Variants in CACHD1 observed in about 807,000 individuals in gnomAD.
The protein encoded by CACHD1 is VWFA and cache domain-containing protein 1.
CACHD1 carries 71 observed loss-of-function variants against 138.7 expected under a neutral mutation model. The ratio of observed to expected loss-of-function variants is 0.51; its 90% CI spans 0.42 to 0.62. CACHD1 has a LOEUF of 0.62. Ranked by LOEUF, CACHD1 falls within the 20% of genes least tolerant of loss-of-function variation. CACHD1 has a pLI of 0.00. For synonymous variants in CACHD1, 578 were observed against 591.5 expected, an observed-to-expected ratio of 0.98 and a Z score of 0.33; for missense variants, 1,389 against 1,625.3, an observed-to-expected ratio of 0.85 and a Z score of 2.50.
chr1:64,566,490 C>CCCCCCT (rs1557496485), intron 2 of CACHD1, among the ~76,000 whole-genome samples: 2 of 143,336 alleles, frequency 1.4e-5, no homozygotes, highest in Non-Finnish European at 1.6e-5. Context: ...CCCCCCCCCC[C>CCCCCCT]ACAAGGTATG....
rs114074178 is a variant in CACHD1, at chr1:64,508,697, A to C, written c.198+37755A>C. ...AAGTTGTTCTCTCACTAAGCCTGAG[A>C]GTGAGAGGGCTAAGTAAGATAGAGA... is the stretch of plus-strand genomic sequence containing the variant. On this transcript the variant is annotated intron_variant, in intron 1 of 26. Transcript: ENST00000651257. Among the ~76,000 whole-genome samples, 161 of 152,250 alleles carry C rather than the reference A, an allele frequency of 1.1e-3. 1 individual carries two copies. The highest frequency in any genetic ancestry group is 3.8e-3 in the African/African-American group (159 of 41,544).
chr1:64,496,930 G>A (rs1422091065), intron 1 of CACHD1, among the ~76,000 whole-genome samples: 2 of 151,244 alleles, frequency 1.3e-5, no homozygotes, highest in Non-Finnish European at 2.9e-5. Context: ...CTGTCCTTAA[G>A]GTTTCCATGG....
intron 2 of CACHD1, among the ~76,000 whole-genome samples, chr1:64,560,438 T>C (rs2100481335): frequency 6.6e-6 from 1 of 152,222 alleles, no homozygotes; most frequent in Admixed American, 6.5e-5. Context: ...TTCTGATTTC[T>C]CTTGTGATTT....
intron 2 of CACHD1, among the ~76,000 whole-genome samples, chr1:64,556,278 A>G (rs1222226157): frequency 6.6e-6 from 1 of 152,248 alleles, no homozygotes; most frequent in Non-Finnish European, 1.5e-5. Context: ...TATAAGAACA[A>G]TTGTAACCGC....
chr1:64,588,719 T>C lies in CACHD1; in HGVS notation c.410+6415T>C, dbSNP rs137898988. ...TTGTCCACATCACTTAATTGATTTA[T>C]CTATTTCTTTCCCCAATTTCTTCTA... On this transcript the variant is annotated intron_variant, in intron 3 of 26. Transcript: ENST00000651257. Among the ~76,000 whole-genome samples the C allele has an allele frequency of 2.1e-3, 318 of 152,330 alleles. 2 individuals are homozygous for C. The highest frequency in any genetic ancestry group is 7.1e-3 in the African/African-American group (297 of 41,582).
At chr1:64,686,471 GT>G (rs1483292162) in intron 26 of CACHD1, among the ~76,000 whole-genome samples, 6 of 152,276 alleles carry the variant, frequency 3.9e-5, no homozygotes, top group African/African-American at 1.4e-4. Context: ...AATTGAGAAT[GT>G]TTTTTGAAAG....
chr1:64,567,734 G>A (rs1038925070), intron 2 of CACHD1, among the ~76,000 whole-genome samples: 6 of 152,036 alleles, frequency 3.9e-5, no homozygotes, highest in African/African-American at 7.2e-5. Context: ...TCATCTGTAC[G>A]TTTTCAATTT....
chr1:64,617,857 T>C (rs2100608985), intron 4 of CACHD1, among the ~76,000 whole-genome samples: 1 of 152,260 alleles, frequency 6.6e-6, no homozygotes. Context: ...GGTGGGTGGA[T>C]CTCCTGAGAT....
chr1:64,525,807 C>G (rs1363622097), intron 1 of CACHD1, among the ~76,000 whole-genome samples: 1 of 152,176 alleles, frequency 6.6e-6, no homozygotes, highest in East Asian at 1.9e-4. Flanking sequence ...ATTGCTCTCC[C>G]AGAAAACTGT....
intron 4 of CACHD1, among the ~76,000 whole-genome samples, chr1:64,612,087 G>A (rs1647552484): frequency 6.6e-6 from 1 of 152,128 alleles, no homozygotes; most frequent in Non-Finnish European, 1.5e-5. Context: ...ACTATCATGA[G>A]AATAGCATGG....
intron 3 of CACHD1, among the ~76,000 whole-genome samples, chr1:64,600,819 G>A (rs1647205040): frequency 1.3e-5 from 2 of 152,256 alleles, no homozygotes. Context: ...AGGGAAACGT[G>A]AAGAGAGACC....
At chr1:64,608,115 C>A (rs577877961) in intron 4 of CACHD1, among the ~76,000 whole-genome samples, 1 of 152,142 alleles carries the variant, frequency 6.6e-6, no homozygotes, top group Non-Finnish European at 1.5e-5. Context: ...TAACCTACTA[C>A]ATAACAAGAG....
At chr1:64,532,821 T>C (rs1646598502) in intron 1 of CACHD1, among the ~76,000 whole-genome samples, 2 of 152,014 alleles carry the variant, frequency 1.3e-5, no homozygotes, top group African/African-American at 4.8e-5. Flanking sequence ...TCATCATCTA[T>C]AAAATAGGGC....
intron 2 of CACHD1, among the ~76,000 whole-genome samples, chr1:64,581,543 A>G (rs2100536933): frequency 6.6e-6 from 1 of 152,320 alleles, no homozygotes; most frequent in Admixed American, 6.5e-5. Context: ...GCAGTTAAGA[A>G]AGACATTTGT....
At chr1:64,512,576 G>A (rs1242676308) in intron 1 of CACHD1, among the ~76,000 whole-genome samples, 1 of 151,994 alleles carries the variant, frequency 6.6e-6, no homozygotes, top group African/African-American at 2.4e-5. Context: ...TGTGGCTAGG[G>A]ACAGACACAC....
At chr1:64,609,041 G>A (rs1397735751) in intron 4 of CACHD1, among the ~76,000 whole-genome samples, 1 of 152,170 alleles carries the variant, frequency 6.6e-6, no homozygotes, top group Non-Finnish European at 1.5e-5. Context: ...GGTGTAAGGG[G>A]CATTTATAAG....
At chr1:64,643,670 G>A (rs369670732) in intron 8 of CACHD1, among the ~76,000 whole-genome samples, 437 of 152,040 alleles carry the variant, frequency 2.9e-3, no homozygotes, top group Middle Eastern at 6.8e-3. Context: ...CCCCATCTCT[G>A]CTAAAAATAC....
chr1:64,611,680 C>T (rs1439262793), intron 4 of CACHD1, among the ~76,000 whole-genome samples: 1 of 152,190 alleles, frequency 6.6e-6, no homozygotes, highest in Non-Finnish European at 1.5e-5. Flanking sequence ...TCACTGTCAG[C>T]ATTTTGGTCC....
At chr1:64,618,964 G>A (rs749952915) in intron 4 of CACHD1, among the ~76,000 whole-genome samples, 7 of 152,114 alleles carry the variant, frequency 4.6e-5, no homozygotes, top group Non-Finnish European at 7.4e-5. Flanking sequence ...TTACAAACAT[G>A]TTCTGTGTGT....
Sources: gnomAD v4.1 joint callset for allele counts (sites outside exome capture counted in the v4.1 genomes callset) on GRCh38, gnomAD v4.1.1 for gene constraint, MANE v1.5 for transcripts, NCBI Gene and HGNC (gene_info 2026-07-23, HGNC 2026-07-21) for gene names.